The following MYO9A variants were observed in gnomAD, a reference collection of about 807,000 sequenced individuals.
MYO9A encodes myosin IXA.
MYO9A carries 103 observed loss-of-function variants against 293.3 expected under a neutral mutation model. That is an observed-to-expected ratio of 0.35 (90% CI 0.30 to 0.41). MYO9A has a LOEUF of 0.41. Among genes scored for constraint, MYO9A ranks in the 10% least tolerant of loss-of-function variants. MYO9A has a pLI of 1.00. For synonymous variants in MYO9A, 1,001 were observed against 1,035.7 expected, an observed-to-expected ratio of 0.97 and a Z score of 0.64; for missense variants, 2,685 against 3,033.0, an observed-to-expected ratio of 0.89 and a Z score of 2.69.
chr15:71,941,466 T>C (rs2058773430), intron 15 of MYO9A, among the ~76,000 whole-genome samples: 1 of 151,950 alleles, frequency 6.6e-6, no homozygotes, highest in Non-Finnish European at 1.5e-5. Context: ...AACAAACCCA[T>C]CAGATCCCAA....
chr15:72,044,513 T>G (rs1220008379), intron 2 of MYO9A, among the ~76,000 whole-genome samples: 1 of 152,120 alleles, frequency 6.6e-6, no homozygotes, highest in African/African-American at 2.4e-5. Context: ...AACTAAAAAA[T>G]TTGTGTCCTA....
intron 12 of MYO9A, among the ~76,000 whole-genome samples, chr15:71,975,558 C>T (rs553774316): frequency 3.0e-4 from 45 of 152,140 alleles, no homozygotes; most frequent in African/African-American, 1.0e-3. Flanking sequence ...GAGCAGGTCA[C>T]AGGAGCAAGC....
At position 71,897,567 on chromosome 15, in the gene MYO9A, G is replaced by A. The variant is rs2057365557; in HGVS notation, c.4936C>T (p.His1646Tyr). Residue 1646 changes from histidine to tyrosine, a missense_variant, in exon 25 of 42, where the codon CAC becomes TAC. Physicochemically the swap from His to Tyr is moderately conservative, Grantham distance 83. Coordinates refer to ENST00000356056, the MANE Select transcript of MYO9A (RefSeq NM_006901.4). The part of the protein sequence containing the change: ...LSNNRISKRE[H>Y]FRPTQSYSHN... ...CTGTAAGACTGAGTTGGCCTAAAGT[G>A]TTCTCTTTTTGAAATGCGATTATTT... is the stretch of plus-strand genomic sequence containing the variant. The A allele has an allele frequency of 6.2e-7, 1 of 1,614,032 alleles. No individual in the cohort carries two copies. The highest frequency in any genetic ancestry group is 1.7e-5 in the Admixed American group (1 of 59,990).
At chr15:72,007,744 C>A in intron 8 of MYO9A, 82 bp downstream of exon 8, 1 of 1,368,430 alleles carries the variant, frequency 7.3e-7, no homozygotes, top group Non-Finnish European at 9.9e-7. Flanking sequence ...AGCATTAACC[C>A]GTTTACACCT....
At chr15:72,095,935 G>A (rs553613537) in intron 1 of MYO9A, among the ~76,000 whole-genome samples, 16 of 152,012 alleles carry the variant, frequency 1.1e-4, no homozygotes, top group South Asian at 4.2e-4. Context: ...CAAAAATTAA[G>A]GTGGGTAGAT....
chr15:72,080,389 G>A (rs764827099), intron 1 of MYO9A, among the ~76,000 whole-genome samples: 4 of 149,806 alleles, frequency 2.7e-5, no homozygotes, highest in Non-Finnish European at 1.5e-5. Flanking sequence ...AGTTTCTCTG[G>A]GAGTTTCATC....
chr15:72,019,048 G>A lies in MYO9A; in HGVS notation c.1146C>T (p.Asp382=). ...LRQSWDDYCY[D]SEPDCFTVEG... ...AGGTACTTGTACTGACCGGCTCAGA[G>A]TCATAGCAATAATCATCCCAGCTCT... The change falls in exon 6 of 42, where the codon GAC becomes GAT. Residue 382 remains aspartate, a synonymous_variant. Transcript: ENST00000356056. 3.7e-6 allele frequency: 6 copies of A among 1,613,788 alleles called. No individual in the cohort carries two copies. The highest frequency in any genetic ancestry group is 5.1e-6 in the Non-Finnish European group (6 of 1,179,772).
intron 39 of MYO9A, among the ~76,000 whole-genome samples, chr15:71,835,101 T>TAGAAAAC (rs2054886896): frequency 6.6e-6 from 1 of 152,138 alleles, no homozygotes; most frequent in African/African-American, 2.4e-5. Context: ...AATTCAACAT[T>TAGAAAAC]CTGTCACAAT....
intron 32 of MYO9A, among the ~76,000 whole-genome samples, chr15:71,865,127 T>C (rs2056280040): frequency 6.6e-6 from 1 of 152,222 alleles, no homozygotes; most frequent in Non-Finnish European, 1.5e-5. Flanking sequence ...CAGAAAGTCA[T>C]AGTCCTTAAC....
chr15:72,008,058 A>C, intron 7 of MYO9A, 106 bp from the exon 8 acceptor site: 1 of 1,340,224 alleles, frequency 7.5e-7, no homozygotes, highest in South Asian at 1.5e-5. Flanking sequence ...TGAAGTATTT[A>C]GTCTTTGGAA....
chr15:72,051,594 G>A (rs2149792220), intron 1 of MYO9A, among the ~76,000 whole-genome samples: 1 of 152,254 alleles, frequency 6.6e-6, no homozygotes, highest in South Asian at 2.1e-4. Flanking sequence ...CCCACTGCCT[G>A]GCCTCTCCTC....
intron 1 of MYO9A, among the ~76,000 whole-genome samples, chr15:72,100,968 T>G (rs1416701480): frequency 3.2e-4 from 24 of 75,364 alleles, no homozygotes; most frequent in Admixed American, 5.7e-4. Context: ...CGGAGGGAGG[T>G]GGGGGGGTCA....
intron 34 of MYO9A, among the ~76,000 whole-genome samples, chr15:71,855,558 G>A (rs2055832726): frequency 6.6e-6 from 1 of 152,156 alleles, no homozygotes; most frequent in African/African-American, 2.4e-5. Context: ...TTATCTCTGA[G>A]ACTGAAAATT....
At chr15:71,845,207 G>T (rs1442858859) in intron 39 of MYO9A, among the ~76,000 whole-genome samples, 1 of 152,050 alleles carries the variant, frequency 6.6e-6, no homozygotes, top group East Asian at 1.9e-4. Context: ...TGTTTTGTGT[G>T]GTATTATAAC....
intron 1 of MYO9A, among the ~76,000 whole-genome samples, chr15:72,101,039 G>A (rs1476508323): frequency 2.8e-5 from 4 of 140,542 alleles, no homozygotes; most frequent in East Asian, 4.6e-4. Context: ...CCCCCCGCCC[G>A]GCCAGCCGCC....
At chr15:71,828,225 CAGAT>C (rs1295534231) in intron 40 of MYO9A, among the ~76,000 whole-genome samples, 199 bp from the exon 41 acceptor site, 1 of 152,116 alleles carries the variant, frequency 6.6e-6, no homozygotes, top group Non-Finnish European at 1.5e-5. Flanking sequence ...GACAAAATGA[CAGAT>C]AGCCAATCTA....
intron 2 of MYO9A, among the ~76,000 whole-genome samples, chr15:72,043,970 C>T (rs1048148160): frequency 2.7e-5 from 4 of 148,884 alleles, no homozygotes; most frequent in Non-Finnish European, 4.4e-5. Context: ...AAGCAAAAAC[C>T]GCATATATTT....
intron 1 of MYO9A, among the ~76,000 whole-genome samples, chr15:72,107,442 C>G (rs2080610085): frequency 6.6e-6 from 1 of 152,012 alleles, no homozygotes; most frequent in Non-Finnish European, 1.5e-5. Context: ...CCAGCTACTC[C>G]AGAGGCTGAG....
At chr15:71,872,067 C>A (rs2056531056) in intron 32 of MYO9A, among the ~76,000 whole-genome samples, 1 of 152,056 alleles carries the variant, frequency 6.6e-6, no homozygotes, top group African/African-American at 2.4e-5. Flanking sequence ...ACTTTCTCAA[C>A]TGAAAAAACT....
Sources: gnomAD v4.1 joint callset for allele counts (sites outside exome capture counted in the v4.1 genomes callset) on GRCh38, gnomAD v4.1.1 for gene constraint, MANE v1.5 for transcripts, NCBI Gene and HGNC (gene_info 2026-07-23, HGNC 2026-07-21) for gene names.